The following MILR1 variants were observed in gnomAD, a reference collection of about 807,000 sequenced individuals.
MILR1 encodes allergin-1.
Under a neutral mutation model 18.5 loss-of-function variants are expected in MILR1, and 31 were observed. That is an observed-to-expected ratio of 1.68 (90% confidence interval 1.26 to 2.26). The LOEUF (loss-of-function observed/expected upper bound fraction) is 2.26. Among genes scored for constraint, MILR1 ranks in the 30% most tolerant of loss-of-function variants. MILR1 has a pLI of 0.00. For synonymous variants in MILR1, 85 were observed against 56.2 expected (o/e 1.51, Z -2.30); for missense variants, 257 against 157.4 (o/e 1.63, Z -3.38).
At chr17:64,485,623 A>G in the MILR1 span, 1 of 957,600 alleles carries the variant, frequency 1.0e-6, no homozygotes, top group South Asian at 1.3e-5. Flanking sequence ...CATGCACTAA[A>G]TTTATTATTT....
chr17:64,449,946 C>CTTTCTTTCT lies in MILR1; in HGVS notation c.97+594_97+595insCTTTCTTTT, dbSNP rs118198823. ...AATTTCTTTCTTTCTTTCTTTCTTT[C>CTTTCTTTCT]TTTTTTTTTTTGAGATGGAGTCTCA... On this transcript the variant is annotated intron_variant, in intron 2 of 9. Transcript: ENST00000619286. Among the ~76,000 whole-genome samples, 868 of 144,950 alleles carry CTTTCTTTCT rather than the reference C, an allele frequency of 6.0e-3. 9 individuals carry two copies. The highest frequency in any genetic ancestry group is 0.021 in the African/African-American group (827 of 38,470).
downstream of MILR1, among the ~76,000 whole-genome samples, chr17:64,472,465 C>CAAAAAAAAAAAAAAAAAAAAAAAAAAA (rs71158332): frequency 7.2e-5 from 1 of 13,916 alleles, no homozygotes; most frequent in Non-Finnish European, 1.7e-4. Flanking sequence ...GACTCCATCT[C>CAAAAAAAAAAAAAAAAAAAAAAAAAAA]AAAAAAAAAA....
At chr17:64,482,412 C>T in the MILR1 span, among the ~76,000 whole-genome samples, 1 of 151,500 alleles carries the variant, frequency 6.6e-6, no homozygotes, top group Admixed American at 6.6e-5. Context: ...ACCTCTGCCT[C>T]CTAGGTTCAA....
downstream of MILR1, among the ~76,000 whole-genome samples, chr17:64,470,716 T>G (rs970714356): frequency 6.6e-6 from 1 of 152,170 alleles, no homozygotes; most frequent in Non-Finnish European, 1.5e-5. Flanking sequence ...GATCCTGGAA[T>G]TGGCTTTCAG....
chr17:64,477,667 C>T, the MILR1 span: 1 of 882,682 alleles, frequency 1.1e-6, no homozygotes, highest in African/African-American at 1.7e-5. Flanking sequence ...GAACATATTC[C>T]TGATACAATG....
Position 64,466,477 on chromosome 17 carries a change from T to A in MILR1, c.889T>A (p.Cys297Ser). The A allele has an allele frequency of 9.9e-6, 16 of 1,613,864 alleles. No individual in the cohort carries two copies. Among genetic ancestry groups the A allele is most frequent in the Non-Finnish European group, 1.4e-5 (16 of 1,179,834 alleles). Residue 297 changes from cysteine (C) to serine (S), a missense_variant, in exon 7 of 10, where the codon TGT (cysteine) becomes AGT (serine). Cys to Ser is a moderately radical substitution (Grantham distance 112). Coordinates refer to ENST00000619286, the MANE Select transcript of MILR1 (RefSeq NM_001085423.2). ...ESVPEVGSRP[C>S]VSTAQDEAKH... ...TGTGCCAGAAGTGGGATCCAGGCCG[T>A]GTGTTTCCACAGCCCAAGATGGTGA...
chr17:64,475,244 C>A, the MILR1 span, among the ~76,000 whole-genome samples: 1 of 151,368 alleles, frequency 6.6e-6, no homozygotes, highest in Admixed American at 6.6e-5. Context: ...AAAGATGGGA[C>A]AATTTGAGCA....
intron 2 of MILR1, among the ~76,000 whole-genome samples, chr17:64,451,097 T>C (rs932755949): frequency 1.5e-4 from 23 of 152,128 alleles, no homozygotes; most frequent in Middle Eastern, 3.4e-3. Context: ...CACTCCCCAG[T>C]GGTGGATATA....
At chr17:64,475,864 A>G in the MILR1 span, among the ~76,000 whole-genome samples, 4 of 120,612 alleles carry the variant, frequency 3.3e-5, no homozygotes, top group Admixed American at 1.1e-4. Flanking sequence ...CCCAGGCTGG[A>G]GTACAATGGC....
Position 64,457,549 on chromosome 17 carries a change from A to C in MILR1, c.517A>C (p.Lys173Gln), listed in dbSNP as rs1338636737. The stretch of plus-strand genomic sequence containing the variant: ...TGTTGCCATATCACCAGCTATTTCC[A>C]AGTATGACAGGGAGCCTGCTGAATT... The part of the protein sequence containing the change: ...NHVAISPAIS[K>Q]YDREPAEFNL... The change falls in exon 4 of 10, where the codon AAG becomes CAG. Residue 173 changes from lysine to glutamine, a missense_variant. Physicochemically the swap from Lys to Gln is moderately conservative, Grantham distance 53. Transcript: ENST00000619286. 4.2e-6 allele frequency: 2 copies of C among 475,264 alleles called. No individual in the cohort carries two copies. The highest frequency in any genetic ancestry group is 4.0e-5 in the African/African-American group (2 of 50,520). 29.4% of individuals were successfully genotyped at this position (475,264 alleles called of 1,614,324 possible).
chr17:64,453,670 C>T (rs1465092088), intron 3 of MILR1, among the ~76,000 whole-genome samples: 1 of 150,978 alleles, frequency 6.6e-6, no homozygotes, highest in African/African-American at 2.4e-5. Context: ...CCACATCTCA[C>T]TACTTCTGTG....
intron 3 of MILR1, among the ~76,000 whole-genome samples, chr17:64,455,620 ATTTTTTTT>A (rs878942450): frequency 7.0e-6 from 1 of 143,876 alleles, no homozygotes; most frequent in African/African-American, 2.6e-5. Context: ...CGCCTGGCTA[ATTTTTTTT>A]TTTTTGTATT....
chr17:64,451,898 C>A (rs2037178341), intron 2 of MILR1, among the ~76,000 whole-genome samples: 1 of 151,206 alleles, frequency 6.6e-6, no homozygotes, highest in East Asian at 2.0e-4. Context: ...TGCCACTGCG[C>A]TCCAGCCTGG....
chr17:64,461,085 T>C (rs2037421749), intron 5 of MILR1, among the ~76,000 whole-genome samples, 153 bp downstream of exon 5: 1 of 151,962 alleles, frequency 6.6e-6, no homozygotes, highest in African/African-American at 2.4e-5. Context: ...GGGGCGGGAA[T>C]GGAATAGACT....
chr17:64,480,707 A>T, the MILR1 span, among the ~76,000 whole-genome samples: 1 of 152,196 alleles, frequency 6.6e-6, no homozygotes, highest in African/African-American at 2.4e-5. Context: ...ATTCTGTCAG[A>T]AAAAAACCAG....
intron 4 of MILR1, among the ~76,000 whole-genome samples, chr17:64,460,068 C>A (rs1456169960): frequency 6.6e-6 from 1 of 150,718 alleles, no homozygotes; most frequent in East Asian, 1.9e-4. Context: ...CTCACTCACC[C>A]AGTCTGGAGT....
chr17:64,491,045 A>C, the MILR1 span: 2 of 1,123,080 alleles, frequency 1.8e-6, no homozygotes, highest in Non-Finnish European at 2.7e-6. Flanking sequence ...ATCTGTAAGA[A>C]TTTAAATTGT....
At position 64,467,548 on chromosome 17, in the gene MILR1, T is replaced by C; in HGVS notation, c.980-17T>C. ...GTCACATATCCTAAGTAAATTATTT[T>C]CCCTTTTATATTTCAGAAGCCTGTG... On this transcript the variant is annotated splice_polypyrimidine_tract_variant and intron_variant, in intron 8 of 9. Coordinates refer to ENST00000619286, the MANE Select transcript of MILR1 (RefSeq NM_001085423.2). 2.1e-6 allele frequency: 3 copies of C among 1,439,016 alleles called. No individual in the cohort carries two copies. The highest frequency in any genetic ancestry group is 2.9e-6 in the Non-Finnish European group (3 of 1,046,524). The allele number at this position is 1,439,016 out of a possible 1,614,324, so 89.1% of individuals were successfully genotyped here. A position where few individuals can be genotyped will look rare whatever the true frequency, so the allele number is the denominator to read the frequency against.
At chr17:64,466,063 AT>A (rs1341014115) in intron 6 of MILR1, among the ~76,000 whole-genome samples, 1 of 152,202 alleles carries the variant, frequency 6.6e-6, no homozygotes, top group African/African-American at 2.4e-5. Flanking sequence ...ACTTACAATC[AT>A]GGTGGAAGGG....
Sources: allele counts gnomAD v4.1 joint callset (sites outside exome capture counted in the v4.1 genomes callset), GRCh38; gene constraint gnomAD v4.1.1; transcripts MANE v1.5; gene names NCBI Gene and HGNC (gene_info 2026-07-23, HGNC 2026-07-21).